Variants in DCC observed in about 807,000 individuals in gnomAD.
The protein encoded by DCC is DCC netrin 1 receptor.
DCC carries 58 observed loss-of-function variants against 172.5 expected under a neutral mutation model. The observed-to-expected ratio is 0.34, with a 90% CI of 0.27 to 0.42. DCC has a LOEUF of 0.42. Ranked by LOEUF, DCC falls within the 10% of genes least tolerant of loss-of-function variation. The pLI, the probability that DCC is intolerant of heterozygous loss-of-function variation, is 1.00. For missense variants in DCC, 1,740 were observed against 1,791.0 expected, an observed-to-expected ratio of 0.97 and a Z score of 0.51; for synonymous variants, 709 against 644.5, an observed-to-expected ratio of 1.10 and a Z score of -1.52.
At chr18:52,910,985 A>C (rs975794564) in intron 3 of DCC, among the ~76,000 whole-genome samples, 1 of 151,492 alleles carries the variant, frequency 6.6e-6, no homozygotes, top group African/African-American at 2.4e-5. Context: ...GTTTTAAAAC[A>C]AATAGTTTTA....
At chr18:53,304,153 A>G (rs1044759511) in intron 12 of DCC, among the ~76,000 whole-genome samples, 1 of 152,034 alleles carries the variant, frequency 6.6e-6, no homozygotes, top group African/African-American at 2.4e-5. Context: ...TGGGGTTAAT[A>G]TGGGTACAGG....
At chr18:53,415,480 T>A (rs939423957) in intron 20 of DCC, among the ~76,000 whole-genome samples, 1 of 152,138 alleles carries the variant, frequency 6.6e-6, no homozygotes, top group Non-Finnish European at 1.5e-5. Flanking sequence ...TTTAGTTTCA[T>A]CTGGTTAGCA....
intron 1 of DCC, among the ~76,000 whole-genome samples, chr18:52,711,153 C>T (rs575800225): frequency 6.6e-6 from 1 of 152,162 alleles, no homozygotes; most frequent in Admixed American, 6.6e-5. Flanking sequence ...TCCTACAGAC[C>T]TATTTATTTA....
chr18:52,596,708 C>T (rs1360146720), intron 1 of DCC, among the ~76,000 whole-genome samples: 1 of 152,208 alleles, frequency 6.6e-6, no homozygotes, highest in Non-Finnish European at 1.5e-5. Context: ...GAGAACAAGT[C>T]CCAATCCTCT....
At chr18:52,829,498 C>A (rs2038572946) in intron 2 of DCC, among the ~76,000 whole-genome samples, 1 of 152,114 alleles carries the variant, frequency 6.6e-6, no homozygotes, top group Non-Finnish European at 1.5e-5. Context: ...AGAGATAGGG[C>A]AGTATAAATG....
chr18:52,705,108 CAA>C (rs1336934731), intron 1 of DCC, among the ~76,000 whole-genome samples: 1 of 152,144 alleles, frequency 6.6e-6, no homozygotes, highest in Non-Finnish European at 1.5e-5. Flanking sequence ...TATAAAGTAA[CAA>C]ATTTGGTTTT....
chr18:52,642,409 A>G (rs981520550), intron 1 of DCC, among the ~76,000 whole-genome samples: 3 of 152,010 alleles, frequency 2.0e-5, no homozygotes, highest in African/African-American at 7.2e-5. Flanking sequence ...AAATCTCACA[A>G]ATCACCAGTA....
chr18:53,241,679 A>G (rs1195661130), intron 12 of DCC, among the ~76,000 whole-genome samples: 2 of 152,166 alleles, frequency 1.3e-5, no homozygotes, highest in East Asian at 3.9e-4. Context: ...CCTGGGCTGG[A>G]AATACAGATG....
At chr18:53,307,947 A>ATATG (rs2057222687) in intron 13 of DCC, among the ~76,000 whole-genome samples, 2 of 108,614 alleles carry the variant, frequency 1.8e-5, no homozygotes, top group African/African-American at 7.2e-5. Context: ...ATATATATAT[A>ATATG]TATGTATTTT....
intron 2 of DCC, among the ~76,000 whole-genome samples, chr18:52,858,283 C>CT (rs1166498888): frequency 6.6e-6 from 1 of 152,234 alleles, no homozygotes; most frequent in East Asian, 1.9e-4. Flanking sequence ...GAAATCAGGA[C>CT]TGTCAGCTCC....
At chr18:52,945,054 TATC>T (rs748209249) in intron 5 of DCC, among the ~76,000 whole-genome samples, 25 of 152,192 alleles carry the variant, frequency 1.6e-4, no homozygotes, top group Non-Finnish European at 3.5e-4. Flanking sequence ...ATGGGATAAA[TATC>T]ATGTTACCAT....
At chr18:53,485,236 T>C (rs1243542134) in intron 25 of DCC, among the ~76,000 whole-genome samples, 1 of 152,110 alleles carries the variant, frequency 6.6e-6, no homozygotes, top group African/African-American at 2.4e-5. Context: ...CATGTATCTA[T>C]ATGTGTCTCA....
chr18:52,928,777 A>G (rs934235593), intron 5 of DCC, among the ~76,000 whole-genome samples: 1 of 152,126 alleles, frequency 6.6e-6, no homozygotes, highest in Non-Finnish European at 1.5e-5. Context: ...GGGTAAGTCA[A>G]ACATCACCTT....
At chr18:53,190,673 G>A (rs367590759) in intron 9 of DCC, among the ~76,000 whole-genome samples, 3 of 152,242 alleles carry the variant, frequency 2.0e-5, no homozygotes, top group East Asian at 1.9e-4. Flanking sequence ...TCAGCAGGGC[G>A]TAGTGGTTCA....
intron 8 of DCC, 21 bp from the exon 9 acceptor site, chr18:53,178,941 T>A (rs1470508058): frequency 6.2e-7 from 1 of 1,613,840 alleles, no homozygotes; most frequent in South Asian, 1.1e-5. Context: ...ATAATCTTTC[T>A]CTGCAACTTT....
intron 22 of DCC, among the ~76,000 whole-genome samples, chr18:53,445,717 G>A (rs919559808): frequency 6.6e-6 from 1 of 151,984 alleles, no homozygotes; most frequent in African/African-American, 2.4e-5. Context: ...TTAAATATAT[G>A]TATTTGCTTT....
intron 14 of DCC, among the ~76,000 whole-genome samples, chr18:53,332,865 T>G (rs1000120155): frequency 2.0e-5 from 3 of 152,040 alleles, no homozygotes; most frequent in African/African-American, 7.2e-5. Context: ...AAATGAATAT[T>G]CCCAGCCTGG....
chr18:52,799,166 G>C (rs1226402474), intron 2 of DCC, among the ~76,000 whole-genome samples: 2 of 152,206 alleles, frequency 1.3e-5, no homozygotes, highest in African/African-American at 4.8e-5. Context: ...TCTGAAATTA[G>C]AAGCCATCTA....
At chr18:52,636,192 G>A (rs778702315) in intron 1 of DCC, among the ~76,000 whole-genome samples, 2 of 152,192 alleles carry the variant, frequency 1.3e-5, no homozygotes, top group Non-Finnish European at 2.9e-5. Context: ...AAGGCCCTGG[G>A]AGCCCGCTGG....
Sources: gnomAD v4.1 joint callset for allele counts (sites outside exome capture counted in the v4.1 genomes callset) on GRCh38, gnomAD v4.1.1 for gene constraint, MANE v1.5 for transcripts, NCBI Gene and HGNC (gene_info 2026-07-23, HGNC 2026-07-21) for gene names.